Variants in SLC9C2 observed in about 807,000 individuals in gnomAD.
The protein encoded by SLC9C2 is solute carrier family 9 member C2 (putative), also known as sodium/hydrogen exchanger 11.
In SLC9C2, 75 loss-of-function variants were observed where a neutral mutation model predicts 140.2. That is an observed-to-expected ratio of 0.53 (90% CI 0.44 to 0.65). The LOEUF is 0.65. Ranked by LOEUF, SLC9C2 falls within the 30% of genes least tolerant of loss-of-function variation. The pLI is 0.00. For missense variants in SLC9C2, 1,074 were observed against 1,331.8 expected, an observed-to-expected ratio of 0.81 and a Z score of 3.01; for synonymous variants, 375 against 420.9, an observed-to-expected ratio of 0.89 and a Z score of 1.34.
At position 173,509,559 on chromosome 1, in the gene SLC9C2, A is replaced by G; in HGVS notation, c.3039+9T>C. The G allele has an allele frequency of 6.6e-7, 1 of 1,513,732 alleles. No individual in the cohort carries two copies. The highest frequency in any genetic ancestry group is 2.5e-5 in the East Asian group (1 of 39,232). 93.8% of individuals were successfully genotyped at this position (1,513,732 alleles called of 1,614,324 possible). ...TTCAATTTATTAATATTTTAATCAC[A>G]TAACTTACCTCATCAATAAGACTTG... On this transcript the variant is annotated intron_variant, in intron 24 of 27. Coordinates refer to ENST00000367714, the MANE Select transcript of SLC9C2 (RefSeq NM_178527.4).
chr1:173,574,611 C>T (rs1268494855), intron 8 of SLC9C2, among the ~76,000 whole-genome samples: 3 of 149,782 alleles, frequency 2.0e-5, no homozygotes, highest in Admixed American at 6.7e-5. Flanking sequence ...CCCAGGTTCA[C>T]GCCATTCTCC....
chr1:173,533,885 C>G lies in SLC9C2; in HGVS notation c.1975-88G>C, dbSNP rs530248114. ...ATAAAATTAACAACTAAGTTCTTAA[C>G]TACAAATGAGTTATATTCCGAAAGT... On this transcript the variant is annotated intron_variant, in intron 16 of 27. Coordinates refer to ENST00000367714, the MANE Select transcript of SLC9C2 (RefSeq NM_178527.4). The G allele has an allele frequency of 2.3e-4, 309 of 1,359,250 alleles. 1 individual carries two copies. The African/African-American group carries it at 4.3e-3, about 19-fold the overall frequency. The allele number at this position is 1,359,250 out of a possible 1,614,324, so 84.2% of individuals were successfully genotyped here.
At chr1:173,583,468 A>C in intron 6 of SLC9C2, 38 bp downstream of exon 6, 1 of 1,179,638 alleles carries the variant, frequency 8.5e-7, no homozygotes, top group Non-Finnish European at 1.2e-6. Context: ...TTTAATGAGA[A>C]TGATTTTAGA....
chr1:173,574,794 G>A (rs1359614635), intron 8 of SLC9C2, among the ~76,000 whole-genome samples: 1 of 152,102 alleles, frequency 6.6e-6, no homozygotes, highest in Non-Finnish European at 1.5e-5. Context: ...ACAGGCATGA[G>A]CCACCGCACC....
intron 13 of SLC9C2, among the ~76,000 whole-genome samples, chr1:173,538,909 T>C (rs570762614): frequency 5.3e-5 from 8 of 152,262 alleles, no homozygotes; most frequent in Admixed American, 5.2e-4. Flanking sequence ...TGGAATGTGA[T>C]ATACACATTC....
intron 11 of SLC9C2, among the ~76,000 whole-genome samples, chr1:173,550,428 A>AT (rs991174582): frequency 8.3e-6 from 1 of 121,080 alleles, no homozygotes; most frequent in African/African-American, 4.0e-5. Context: ...TATTTTATTT[A>AT]TTTATTTATT....
At chr1:173,549,893 G>A (rs1558056398) in intron 11 of SLC9C2, among the ~76,000 whole-genome samples, 1 of 152,106 alleles carries the variant, frequency 6.6e-6, no homozygotes, top group Non-Finnish European at 1.5e-5. Context: ...TCTCACTTTT[G>A]AATACCAGAG....
chr1:173,591,035 T>G (rs1249814424), intron 4 of SLC9C2, among the ~76,000 whole-genome samples: 1 of 152,166 alleles, frequency 6.6e-6, no homozygotes, highest in Non-Finnish European at 1.5e-5. Context: ...TTATTTTTTC[T>G]GAACCCTCAA....
At chr1:173,557,319 A>G (rs1663776801) in intron 10 of SLC9C2, 21 bp downstream of exon 10, 3 of 1,598,616 alleles carry the variant, frequency 1.9e-6, no homozygotes, top group Middle Eastern at 1.7e-4. Flanking sequence ...ATGAATAATC[A>G]TGAGACATGA....
chr1:173,601,805 C>G lies in SLC9C2; in HGVS notation c.-29G>C. On this transcript the variant is annotated 5_prime_UTR_variant, in exon 2 of 28. Transcript: ENST00000367714. Reference sequence around the variant, plus strand: ...TGCTGCTGCTTTTCCCCAGACCTAACTTGATGGAGTGGTTTGGTTATTATT... The same window carrying G: ...TGCTGCTGCTTTTCCCCAGACCTAAGTTGATGGAGTGGTTTGGTTATTATT... The G allele has an allele frequency of 1.2e-6, 2 of 1,612,696 alleles. No homozygotes were observed. The highest frequency in any genetic ancestry group is 8.5e-7 in the Non-Finnish European group (1 of 1,179,332).
At chr1:173,519,276 T>TGACA (rs954630831) in intron 22 of SLC9C2, among the ~76,000 whole-genome samples, 15 of 152,240 alleles carry the variant, frequency 9.9e-5, no homozygotes, top group African/African-American at 3.4e-4. Flanking sequence ...GGGCTCCAGC[T>TGACA]GACAGCCTTG....
At chr1:173,593,749 T>C (rs994600181) in intron 4 of SLC9C2, among the ~76,000 whole-genome samples, 3 of 152,070 alleles carry the variant, frequency 2.0e-5, no homozygotes, top group African/African-American at 7.2e-5. Flanking sequence ...AAAACAGACT[T>C]TAAGCCAACA....
intron 3 of SLC9C2, among the ~76,000 whole-genome samples, chr1:173,598,233 A>G (rs1392314152): frequency 6.6e-6 from 1 of 152,200 alleles, no homozygotes; most frequent in Non-Finnish European, 1.5e-5. Context: ...ATAGACCTCT[A>G]TTCACCAGAT....
At chr1:173,556,602 T>C (rs1663718993) in intron 10 of SLC9C2, among the ~76,000 whole-genome samples, 1 of 152,114 alleles carries the variant, frequency 6.6e-6, no homozygotes, top group Non-Finnish European at 1.5e-5. Flanking sequence ...TTTTCATGCT[T>C]TCTGATGGCT....
intron 5 of SLC9C2, among the ~76,000 whole-genome samples, chr1:173,586,472 G>A (rs1163299926): frequency 2.0e-5 from 3 of 152,152 alleles, no homozygotes; most frequent in East Asian, 1.9e-4. Context: ...AGCCATTCAT[G>A]TTGATACTGC....
At chr1:173,546,349 G>GT (rs1477176948) in intron 13 of SLC9C2, among the ~76,000 whole-genome samples, 7 of 152,130 alleles carry the variant, frequency 4.6e-5, no homozygotes, top group African/African-American at 1.7e-4. Context: ...CCTGGCCAAC[G>GT]TGCCAAAACC....
At position 173,561,736 on chromosome 1, in the gene SLC9C2, T is replaced by C. The variant is rs190222660; in HGVS notation, c.1047-4228A>G. ...CCCAGAACAGGCTTGACCAGATAAA[T>C]TGATGATCACTGGTCCCTTCCATTG... is the stretch of plus-strand genomic sequence containing the variant. On this transcript the variant is annotated intron_variant, in intron 9 of 27. Transcript: ENST00000367714. 5.7e-4 allele frequency among the ~76,000 whole-genome samples: 86 copies of C among 152,082 alleles called. No individual in the cohort carries two copies. The East Asian group carries it at 0.015, about 27-fold the overall frequency.
intron 11 of SLC9C2, among the ~76,000 whole-genome samples, chr1:173,554,440 C>T (rs758288455): frequency 1.3e-5 from 2 of 152,128 alleles, no homozygotes; most frequent in Non-Finnish European, 2.9e-5. Flanking sequence ...AGGAAAGGAA[C>T]GTGGATTTCT....
rs552558092 is a variant in SLC9C2 at position 173,572,856 on chromosome 1, A to G, written c.1046+326T>C. On this transcript the variant is annotated intron_variant, in intron 9 of 27. Coordinates refer to ENST00000367714, the MANE Select transcript of SLC9C2 (RefSeq NM_178527.4). ...CCAGTGATGCTCAACTTTAACATGC[A>G]TACAAACTACCTGAAGAGCATGTTA... 4.1e-4 allele frequency among the ~76,000 whole-genome samples: 62 copies of G among 152,358 alleles called. 1 individual carries two copies. The highest frequency in any genetic ancestry group is 1.4e-3 in the African/African-American group (60 of 41,580).
Sources: gnomAD v4.1 joint callset for allele counts (sites outside exome capture counted in the v4.1 genomes callset) on GRCh38, gnomAD v4.1.1 for gene constraint, MANE v1.5 for transcripts, NCBI Gene and HGNC (gene_info 2026-07-23, HGNC 2026-07-21) for gene names.